Variants in KIAA0825 observed in about 807,000 individuals in gnomAD.
The protein encoded by KIAA0825 is uncharacterized protein KIAA0825.
In KIAA0825, 119 loss-of-function variants were observed where a neutral mutation model predicts 147.6. The observed-to-expected ratio is 0.81, with a 90% CI of 0.69 to 0.94. The LOEUF (loss-of-function observed/expected upper bound fraction) is 0.94, where lower values mean the gene tolerates loss of function less well. Ranked by LOEUF, KIAA0825 falls within the 40% of genes least tolerant of loss-of-function variation. KIAA0825 has a pLI of 0.00. For missense variants in KIAA0825, 1,381 were observed against 1,472.7 expected, an observed-to-expected ratio of 0.94 and a Z score of 1.02; for synonymous variants, 470 against 518.1, an observed-to-expected ratio of 0.91 and a Z score of 1.26.
At chr5:94,582,806 A>G (rs1175202949) in intron 1 of KIAA0825, among the ~76,000 whole-genome samples, 1 of 152,188 alleles carries the variant, frequency 6.6e-6, no homozygotes, top group Non-Finnish European at 1.5e-5. Context: ...AACACAGGTA[A>G]TAGGGGCACC....
At chr5:94,384,339 CA>C in intron 20 of KIAA0825, 28 bp downstream of exon 20, 1 of 1,515,932 alleles carries the variant, frequency 6.6e-7, no homozygotes, top group Non-Finnish European at 9.0e-7. Context: ...GTCCCTCAAC[CA>C]GACCCCCAAG....
chr5:94,476,999 TA>T, intron 7 of KIAA0825, 111 bp downstream of exon 7: 1 of 786,332 alleles, frequency 1.3e-6, no homozygotes, highest in Admixed American at 2.9e-5. Context: ...ATTGAAAAAT[TA>T]TTTTTTTGTA....
intron 20 of KIAA0825, among the ~76,000 whole-genome samples, chr5:94,234,995 C>G (rs1355677631): frequency 6.6e-6 from 1 of 152,008 alleles, no homozygotes; most frequent in Non-Finnish European, 1.5e-5. Flanking sequence ...CTGTCTCTCT[C>G]CCTCTCCTTG....
intron 20 of KIAA0825, among the ~76,000 whole-genome samples, chr5:94,188,051 T>A (rs1379502137): frequency 6.6e-6 from 1 of 152,214 alleles, no homozygotes; most frequent in East Asian, 1.9e-4. Context: ...GAGAGATTTC[T>A]CATCCTCTTT....
chr5:94,524,257 T>C (rs1215377237), intron 3 of KIAA0825, among the ~76,000 whole-genome samples, 159 bp from the exon 4 acceptor site: 1 of 151,702 alleles, frequency 6.6e-6, no homozygotes, highest in Non-Finnish European at 1.5e-5. Context: ...TATACATTCA[T>C]AGTTGAAAGC....
At chr5:94,488,635 ATG>A (rs1284672989) in intron 5 of KIAA0825, among the ~76,000 whole-genome samples, 1 of 152,156 alleles carries the variant, frequency 6.6e-6, no homozygotes, top group Non-Finnish European at 1.5e-5. Context: ...ATTTAAAACA[ATG>A]TAAATTTTTC....
chr5:94,216,404 T>C lies in KIAA0825; in HGVS notation c.3711-62280A>G, dbSNP rs551452202. Among the ~76,000 whole-genome samples the C allele has an allele frequency of 3.9e-5, 6 of 152,278 alleles. No individual in the cohort carries two copies. The East Asian group carries it at 1.2e-3, about 29-fold the overall frequency. ...AACGTTTGTACTTTGAGAGAAACAT[T>C]GTTGGAAGCCTGTTCCATTCAGATG... is the stretch of plus-strand genomic sequence containing the variant. On this transcript the variant is annotated intron_variant, in intron 20 of 20. Coordinates refer to ENST00000682413, the MANE Select transcript of KIAA0825 (RefSeq NM_001145678.3).
At chr5:94,353,201 T>C (rs1783890703) in intron 20 of KIAA0825, among the ~76,000 whole-genome samples, 1 of 152,168 alleles carries the variant, frequency 6.6e-6, no homozygotes, top group African/African-American at 2.4e-5. Flanking sequence ...ATTAGAATAA[T>C]GAAAGCAAAA....
chr5:94,200,385 C>G (rs1771557408), intron 20 of KIAA0825, among the ~76,000 whole-genome samples: 1 of 152,120 alleles, frequency 6.6e-6, no homozygotes, highest in Non-Finnish European at 1.5e-5. Context: ...CTGCATCCTT[C>G]CTCTATCCAC....
intron 1 of KIAA0825, among the ~76,000 whole-genome samples, chr5:94,588,695 C>G (rs112786624): frequency 0.076 from 11,622 of 152,144 alleles, 492 homozygotes; most frequent in South Asian, 0.11. Flanking sequence ...TCCGTATATA[C>G]CCAAAGGATT....
At chr5:94,514,387 T>C (rs1766918928) in intron 5 of KIAA0825, among the ~76,000 whole-genome samples, 1 of 152,190 alleles carries the variant, frequency 6.6e-6, no homozygotes, top group South Asian at 2.1e-4. Flanking sequence ...GATGTGGATT[T>C]GTACTCTATT....
intron 20 of KIAA0825, among the ~76,000 whole-genome samples, chr5:94,308,685 C>T (rs921902651): frequency 1.3e-5 from 2 of 151,774 alleles, no homozygotes; most frequent in Non-Finnish European, 2.9e-5. Context: ...TTCATTCATT[C>T]ATTAAAGAAA....
At chr5:94,204,263 G>A (rs2150029570) in intron 20 of KIAA0825, among the ~76,000 whole-genome samples, 1 of 152,228 alleles carries the variant, frequency 6.6e-6, no homozygotes, top group South Asian at 2.1e-4. Flanking sequence ...ATATATTTAA[G>A]GCATTATAGT....
At chr5:94,571,945 C>T (rs552930480) in intron 2 of KIAA0825, among the ~76,000 whole-genome samples, 29 of 151,944 alleles carry the variant, frequency 1.9e-4, no homozygotes, top group South Asian at 8.3e-4. Context: ...TTTTAGTGGC[C>T]GGGCACAATG....
intron 2 of KIAA0825, among the ~76,000 whole-genome samples, chr5:94,540,900 T>C (rs1020327795): frequency 5.9e-5 from 9 of 152,178 alleles, no homozygotes; most frequent in African/African-American, 2.2e-4. Flanking sequence ...CCATGACCCC[T>C]AACTATGCAA....
At chr5:94,295,373 T>C (rs1778090686) in intron 20 of KIAA0825, among the ~76,000 whole-genome samples, 1 of 152,136 alleles carries the variant, frequency 6.6e-6, no homozygotes, top group South Asian at 2.1e-4. Flanking sequence ...AACAAGCTCC[T>C]TTAGCTCAGA....
intron 6 of KIAA0825, among the ~76,000 whole-genome samples, chr5:94,480,422 T>A (rs1762367246): frequency 6.6e-6 from 1 of 152,018 alleles, no homozygotes. Context: ...ATAATAAAGA[T>A]CAAGTTGTTA....
At chr5:94,240,851 A>C (rs765861888) in intron 20 of KIAA0825, among the ~76,000 whole-genome samples, 4 of 152,194 alleles carry the variant, frequency 2.6e-5, no homozygotes, top group Non-Finnish European at 5.9e-5. Flanking sequence ...GCACTGAGGT[A>C]ATAGTTCCAT....
At chr5:94,404,774 A>G (rs1359872420) in intron 15 of KIAA0825, among the ~76,000 whole-genome samples, 1 of 152,218 alleles carries the variant, frequency 6.6e-6, no homozygotes, top group Non-Finnish European at 1.5e-5. Flanking sequence ...GGTTAGAATC[A>G]TACAACTTAA....
Sources: gnomAD v4.1 joint callset for allele counts (sites outside exome capture counted in the v4.1 genomes callset) on GRCh38, gnomAD v4.1.1 for gene constraint, MANE v1.5 for transcripts, NCBI Gene and HGNC (gene_info 2026-07-23, HGNC 2026-07-21) for gene names.